Variants in TBC1D5 observed in about 807,000 individuals in gnomAD.
TBC1D5 encodes the protein TBC1 domain family, member 5.
TBC1D5 carries 75 observed loss-of-function variants against 100.3 expected under a neutral mutation model. That is an observed-to-expected ratio of 0.75 (90% confidence interval 0.62 to 0.91). TBC1D5 has a LOEUF of 0.91. Among genes scored for constraint, TBC1D5 ranks in the 40% least tolerant of loss-of-function variants. The pLI is 0.00. For synonymous variants in TBC1D5, 323 were observed against 325.6 expected, an observed-to-expected ratio of 0.99 and a Z score of 0.09; for missense variants, 910 against 942.4, an observed-to-expected ratio of 0.97 and a Z score of 0.45.
intron 10 of TBC1D5, among the ~76,000 whole-genome samples, chr3:17,375,680 A>C (rs78575078): frequency 0.09 from 13,691 of 152,226 alleles, 1,412 homozygotes; most frequent in African/African-American, 0.25. Context: ...GATTAAAAAA[A>C]AAACTCAGTA....
chr3:17,428,354 CTATATAAT>C, intron 4 of TBC1D5, 88 bp downstream of exon 4: 1 of 389,216 alleles, frequency 2.6e-6, no homozygotes, highest in Non-Finnish European at 4.0e-6. Flanking sequence ...GATCAAAACC[CTATATAAT>C]TATATATCTT....
chr3:17,452,505 G>A (rs896855599), intron 3 of TBC1D5, among the ~76,000 whole-genome samples: 10 of 151,980 alleles, frequency 6.6e-5, no homozygotes, highest in South Asian at 4.2e-4. Context: ...CATGCCAGTG[G>A]ATACCAAAAA....
At chr3:17,676,090 G>A (rs2068590226) in intron 1 of TBC1D5, among the ~76,000 whole-genome samples, 1 of 151,904 alleles carries the variant, frequency 6.6e-6, no homozygotes, top group East Asian at 1.9e-4. Context: ...ACATTTCTCT[G>A]ATTACCCCAG....
intron 1 of TBC1D5, among the ~76,000 whole-genome samples, chr3:17,713,357 T>A (rs993502853): frequency 6.6e-5 from 10 of 151,944 alleles, no homozygotes; most frequent in Middle Eastern, 3.4e-3. Context: ...TTCTCCTGCC[T>A]CAGCCTCCCA....
chr3:17,721,750 G>A (rs1453001577), intron 1 of TBC1D5, among the ~76,000 whole-genome samples: 1 of 151,772 alleles, frequency 6.6e-6, no homozygotes, highest in Non-Finnish European at 1.5e-5. Flanking sequence ...GGAAGCCGAG[G>A]CGGGCAGATT....
At chr3:17,223,304 T>G (rs1422189149) in intron 17 of TBC1D5, among the ~76,000 whole-genome samples, 2 of 152,184 alleles carry the variant, frequency 1.3e-5, no homozygotes, top group African/African-American at 4.8e-5. Flanking sequence ...CATCTCTACA[T>G]ACATATTTCC....
chr3:17,523,590 G>A (rs1465053387), intron 2 of TBC1D5, among the ~76,000 whole-genome samples: 1 of 152,110 alleles, frequency 6.6e-6, no homozygotes, highest in Non-Finnish European at 1.5e-5. Context: ...CAGCAAAATG[G>A]ACAATAAAAT....
chr3:17,161,298 A>G, intron 21 of TBC1D5, 42 bp from the exon 23 acceptor site: 1 of 1,560,868 alleles, frequency 6.4e-7, no homozygotes, highest in South Asian at 1.2e-5. Flanking sequence ...GAAAGAAGAA[A>G]CTGGCAAAGA....
At chr3:17,671,466 A>G (rs1201204479) in intron 1 of TBC1D5, among the ~76,000 whole-genome samples, 1 of 152,204 alleles carries the variant, frequency 6.6e-6, no homozygotes, top group Non-Finnish European at 1.5e-5. Flanking sequence ...GGCCTCCCCC[A>G]AAGTGTCCCA....
chr3:17,292,894 T>C (rs2081907480), intron 14 of TBC1D5, among the ~76,000 whole-genome samples: 2 of 152,220 alleles, frequency 1.3e-5, no homozygotes, highest in Admixed American at 6.5e-5. Context: ...ACAACTGTGA[T>C]TCAATAGAAA....
chr3:17,509,527 T>C (rs1055452616), intron 2 of TBC1D5, among the ~76,000 whole-genome samples: 2 of 152,076 alleles, frequency 1.3e-5, no homozygotes, highest in Non-Finnish European at 2.9e-5. Flanking sequence ...ACCAACCTGA[T>C]AGTCAAATTT....
At chr3:17,674,988 C>G (rs975335045) in intron 1 of TBC1D5, among the ~76,000 whole-genome samples, 35 of 152,098 alleles carry the variant, frequency 2.3e-4, no homozygotes, top group African/African-American at 8.2e-4. Flanking sequence ...AAGCAAAATA[C>G]TAGTATACAG....
chr3:17,192,363 TAA>T (rs75783515), intron 18 of TBC1D5, among the ~76,000 whole-genome samples: 14 of 141,210 alleles, frequency 9.9e-5, no homozygotes, highest in African/African-American at 2.9e-4. Flanking sequence ...AAATAAATTG[TAA>T]AAAAAAAAAA....
intron 1 of TBC1D5, among the ~76,000 whole-genome samples, chr3:17,735,603 T>C (rs1351620136): frequency 3.3e-5 from 5 of 152,162 alleles, no homozygotes; most frequent in Non-Finnish European, 7.4e-5. Context: ...ATAGCTCTAT[T>C]AGAAGCCATG....
chr3:17,336,441 G>A (rs190196178), intron 13 of TBC1D5, among the ~76,000 whole-genome samples: 2 of 152,162 alleles, frequency 1.3e-5, no homozygotes, highest in Admixed American at 1.3e-4. Context: ...GCAGAAGTCT[G>A]AAGTATGTGA....
chr3:17,472,283 C>A (rs2095385949), intron 3 of TBC1D5, among the ~76,000 whole-genome samples: 1 of 151,902 alleles, frequency 6.6e-6, no homozygotes, highest in Non-Finnish European at 1.5e-5. Context: ...GGACTACAGG[C>A]ACGCGCCACC....
At chr3:17,594,055 T>C (rs1316882251) in intron 2 of TBC1D5, among the ~76,000 whole-genome samples, 1 of 152,222 alleles carries the variant, frequency 6.6e-6, no homozygotes, top group Non-Finnish European at 1.5e-5. Context: ...CTAGAAATCA[T>C]AGTTCCAGAG....
intron 3 of TBC1D5, among the ~76,000 whole-genome samples, chr3:17,488,663 T>G (rs2150482932): frequency 6.6e-6 from 1 of 152,342 alleles, no homozygotes; most frequent in East Asian, 1.9e-4. Context: ...TTTAGGATCT[T>G]AATCCTGCAA....
intron 4 of TBC1D5, among the ~76,000 whole-genome samples, chr3:17,418,786 G>A (rs1254660577): frequency 6.6e-6 from 1 of 152,176 alleles, no homozygotes; most frequent in African/African-American, 2.4e-5. Context: ...TTTTGTCACT[G>A]ATGACTAAGT....
Sources: allele counts gnomAD v4.1 joint callset (sites outside exome capture counted in the v4.1 genomes callset), GRCh38; gene constraint gnomAD v4.1.1; transcripts MANE v1.5; gene names NCBI Gene and HGNC (gene_info 2026-07-23, HGNC 2026-07-21).